The following GAB1 variants were observed in gnomAD, a reference collection of about 807,000 sequenced individuals.
GAB1 encodes GRB2 associated binding protein 1.
A neutral mutation model predicts 66.5 loss-of-function variants in GAB1; 19 were observed. That is an observed-to-expected ratio of 0.29 (90% CI 0.20 to 0.42). GAB1 has a LOEUF of 0.42. Among genes scored for constraint, GAB1 ranks in the 10% least tolerant of loss-of-function variants. GAB1 has a pLI of 1.00. For synonymous variants in GAB1, 294 were observed against 301.4 expected (o/e 0.98, Z 0.25); for missense variants, 732 against 858.5 (o/e 0.85, Z 1.84).
intron 1 of GAB1, among the ~76,000 whole-genome samples, chr4:143,398,786 G>A (rs1731591387): frequency 6.6e-6 from 1 of 152,110 alleles, no homozygotes; most frequent in Admixed American, 6.6e-5. Context: ...CTGGCCAGGT[G>A]CTATGGCTCA....
Position 143,337,226 on chromosome 4 carries a change from G to A in GAB1, c.38G>A (p.Arg13His). Residue 13 changes from arginine to histidine, a missense_variant, in exon 1 of 10, where the codon CGC (arginine) becomes CAC (histidine). By Grantham distance (29) the Arg-to-His change is conservative. Around this residue, in one of 4 missense-constraint regions of GAB1, gnomAD observed 35 missense variants for 30.8 expected, o/e 1.13. Transcript: ENST00000262994. Reference protein sequence around the residue: ...GGEVVCSGWLRKSPPEKKLKR... With the variant: ...GGEVVCSGWLHKSPPEKKLKR... Reference sequence around the variant, plus strand: ...GAAGTGGTCTGCTCCGGATGGCTCCGCAAGTCCCCCCCGGAGAAAAAGTTG... The same window carrying A: ...GAAGTGGTCTGCTCCGGATGGCTCCACAAGTCCCCCCCGGAGAAAAAGTTG... The A allele has an allele frequency of 1.3e-6, 2 of 1,586,232 alleles. No individual in the cohort carries two copies. Among genetic ancestry groups the A allele is most frequent in the Non-Finnish European group, 1.7e-6 (2 of 1,166,108 alleles).
At chr4:143,448,366 G>A (rs1231474486) in intron 6 of GAB1, among the ~76,000 whole-genome samples, 5 of 151,888 alleles carry the variant, frequency 3.3e-5, no homozygotes. Context: ...AGAAGGAATG[G>A]TACCAGTTCT....
intron 6 of GAB1, among the ~76,000 whole-genome samples, chr4:143,446,213 T>A (rs1311440220): frequency 3.3e-5 from 5 of 152,150 alleles, no homozygotes; most frequent in African/African-American, 1.2e-4. Flanking sequence ...TTTAGGTTGG[T>A]TCCAAGTCTT....
intron 1 of GAB1, among the ~76,000 whole-genome samples, chr4:143,364,729 T>C (rs186708923): frequency 4.6e-5 from 7 of 152,152 alleles, no homozygotes; most frequent in African/African-American, 1.7e-4. Flanking sequence ...TCTTCACTCC[T>C]ACAGCCCCAG....
At chr4:143,357,465 T>C (rs1259712727) in intron 1 of GAB1, among the ~76,000 whole-genome samples, 1 of 152,200 alleles carries the variant, frequency 6.6e-6, no homozygotes, top group Non-Finnish European at 1.5e-5. Flanking sequence ...TGAGGCAGCA[T>C]ACACTTAGCT....
At chr4:143,348,695 C>T (rs1301164996) in intron 1 of GAB1, among the ~76,000 whole-genome samples, 3 of 152,236 alleles carry the variant, frequency 2.0e-5, no homozygotes, top group East Asian at 1.9e-4. Context: ...AGCTGTTCTG[C>T]CGCGCTCTTT....
chr4:143,423,934 A>G (rs1468948124), intron 2 of GAB1, among the ~76,000 whole-genome samples: 1 of 150,294 alleles, frequency 6.7e-6, no homozygotes, highest in Non-Finnish European at 1.5e-5. Flanking sequence ...TCTTGCAGGT[A>G]TAAAGAGGGT....
At chr4:143,423,670 G>A (rs1300291903) in intron 2 of GAB1, among the ~76,000 whole-genome samples, 1 of 150,482 alleles carries the variant, frequency 6.6e-6, no homozygotes, top group East Asian at 2.0e-4. Flanking sequence ...CCAGCTACTC[G>A]GGAGGCTGAG....
chr4:143,446,589 C>T (rs1393391918), intron 6 of GAB1, among the ~76,000 whole-genome samples: 2 of 152,200 alleles, frequency 1.3e-5, no homozygotes, highest in African/African-American at 4.8e-5. Context: ...GCATAAATGT[C>T]TTCTTTTGAG....
chr4:143,364,323 ATTTG>A (rs1238387386), intron 1 of GAB1, among the ~76,000 whole-genome samples: 2 of 151,964 alleles, frequency 1.3e-5, no homozygotes, highest in South Asian at 2.1e-4. Context: ...CATTTATGCT[ATTTG>A]TTTGTCTTTT....
At chr4:143,360,932 G>A (rs947504920) in intron 1 of GAB1, among the ~76,000 whole-genome samples, 1 of 152,142 alleles carries the variant, frequency 6.6e-6, no homozygotes. Context: ...CAAAGTGTGA[G>A]TGCTTATTTC....
At chr4:143,418,129 C>G (rs117303062) in intron 2 of GAB1, among the ~76,000 whole-genome samples, 1 of 152,170 alleles carries the variant, frequency 6.6e-6, no homozygotes, top group Non-Finnish European at 1.5e-5. Context: ...CAGAATCTCA[C>G]GGGAACAGCA....
chr4:143,394,705 G>A (rs1474132002), intron 1 of GAB1: 1 of 152,028 alleles, frequency 6.6e-6, no homozygotes, highest in Non-Finnish European at 1.5e-5. Flanking sequence ...GTTCTTTCAA[G>A]TAGGGAAAGG....
chr4:143,454,482 T>C (rs1735080603), intron 6 of GAB1, among the ~76,000 whole-genome samples: 1 of 152,196 alleles, frequency 6.6e-6, no homozygotes, highest in South Asian at 2.1e-4. Context: ...AGAGAAATCT[T>C]AAGTATTGTT....
chr4:143,452,574 C>T (rs996782091), intron 6 of GAB1, among the ~76,000 whole-genome samples: 2 of 152,266 alleles, frequency 1.3e-5, no homozygotes, highest in Admixed American at 1.3e-4. Flanking sequence ...ACCACTCCCT[C>T]CCATTAAATG....
chr4:143,443,761 C>T (rs1476322267), intron 6 of GAB1, among the ~76,000 whole-genome samples: 2 of 152,142 alleles, frequency 1.3e-5, no homozygotes, highest in African/African-American at 4.8e-5. Context: ...TTGGAAGGAT[C>T]TATAAGAAAC....
At position 143,439,753 on chromosome 4, in the gene GAB1, G is replaced by C. The variant is rs372277395; in HGVS notation, c.1196-49G>C. On this transcript the variant is annotated intron_variant, in intron 4 of 9. Transcript: ENST00000262994. The stretch of plus-strand genomic sequence containing the variant: ...TAATAGGTCATCCCAATGACCCTGA[G>C]AGCTGGCAAAGATGGGAATAAATGT... 3.0e-6 allele frequency: 4 copies of C among 1,313,832 alleles called. No individual in the cohort carries two copies. In the African/African-American group the frequency reaches 5.8e-5, roughly 19 times the overall value. 81.4% of individuals were successfully genotyped at this position (1,313,832 alleles called of 1,614,324 possible).
intron 8 of GAB1, among the ~76,000 whole-genome samples, chr4:143,461,593 C>T (rs1560787832): frequency 6.6e-6 from 1 of 152,170 alleles, no homozygotes; most frequent in Non-Finnish European, 1.5e-5. Context: ...CCTGTGTGGC[C>T]ACACTTAGAC....
At chr4:143,454,001 A>G (rs1339691579) in intron 6 of GAB1, among the ~76,000 whole-genome samples, 2 of 152,198 alleles carry the variant, frequency 1.3e-5, no homozygotes, top group Non-Finnish European at 2.9e-5. Flanking sequence ...AATGTATTCT[A>G]ACTTGAGCTT....
Sources: allele counts gnomAD v4.1 joint callset (sites outside exome capture counted in the v4.1 genomes callset), GRCh38; gene constraint gnomAD v4.1.1; regional missense constraint gnomAD v4.1.1; transcripts MANE v1.5; gene names NCBI Gene and HGNC (gene_info 2026-07-23, HGNC 2026-07-21).